The following DYM variants were observed in gnomAD, a reference collection of about 807,000 sequenced individuals.
DYM encodes the protein dyggve-Melchior-Clausen syndrome protein.
A neutral mutation model predicts 93.1 loss-of-function variants in DYM; 78 were observed. The observed-to-expected ratio is 0.84, with a 90% CI of 0.70 to 1.01. The LOEUF (loss-of-function observed/expected upper bound fraction) is 1.01, where lower values mean the gene tolerates loss of function less well. DYM is among the 50% of genes least tolerant of loss of function. The pLI is 0.00. For missense variants in DYM, 789 were observed against 845.0 expected, an observed-to-expected ratio of 0.93 and a Z score of 0.82; for synonymous variants, 321 against 319.7, an observed-to-expected ratio of 1.00 and a Z score of -0.04.
At chr18:49,214,684 C>A (rs534636424) in intron 13 of DYM, among the ~76,000 whole-genome samples, 1 of 152,168 alleles carries the variant, frequency 6.6e-6, no homozygotes, top group South Asian at 2.1e-4. Flanking sequence ...TGATATTTGA[C>A]ATGAGAAACA....
chr18:49,106,662 C>T (rs560779658), intron 16 of DYM, among the ~76,000 whole-genome samples: 2,781 of 152,196 alleles, frequency 0.018, 79 homozygotes, highest in Admixed American at 0.085. Context: ...CCTTCACTTA[C>T]GAAGCTTAGT....
At chr18:49,223,527 T>C (rs1221054036) in intron 13 of DYM, among the ~76,000 whole-genome samples, 1 of 152,146 alleles carries the variant, frequency 6.6e-6, no homozygotes, top group African/African-American at 2.4e-5. Context: ...AACATATTTT[T>C]TTCAAAGATA....
intron 17 of DYM, among the ~76,000 whole-genome samples, chr18:49,050,382 C>T (rs1471457341): frequency 6.6e-6 from 1 of 152,112 alleles, no homozygotes; most frequent in East Asian, 1.9e-4. Flanking sequence ...TGAGCCACCG[C>T]ACCCAGTCCA....
chr18:49,339,021 C>A (rs478682), intron 6 of DYM, among the ~76,000 whole-genome samples: 90,753 of 151,840 alleles, frequency 0.6, 27,475 homozygotes, highest in Non-Finnish European at 0.66. Flanking sequence ...TAACTCCTGC[C>A]AACAACCAAT....
intron 13 of DYM, among the ~76,000 whole-genome samples, chr18:49,227,323 G>A (rs1340263214): frequency 6.6e-6 from 1 of 152,116 alleles, no homozygotes; most frequent in African/African-American, 2.4e-5. Context: ...CATGAAATAA[G>A]GCCAATTCTG....
At position 49,273,125 on chromosome 18, in the gene DYM, G is replaced by A. The variant is rs182576218; in HGVS notation, c.1126-822C>T. ...TATGCAAAGCCCACCAAAACAAGCT[G>A]GTATGCCTGGGGCATACGTGTTTTG... is the stretch of plus-strand genomic sequence containing the variant. On this transcript the variant is annotated intron_variant, in intron 10 of 17. Transcript: ENST00000675505. Among the ~76,000 whole-genome samples, 39 of 152,220 alleles carry A rather than the reference G, an allele frequency of 2.6e-4. No individual in the cohort carries two copies. In the East Asian group the frequency reaches 6.7e-3, roughly 26 times the overall value.
At chr18:49,261,845 A>C (rs752062875) in intron 11 of DYM, among the ~76,000 whole-genome samples, 25 of 152,162 alleles carry the variant, frequency 1.6e-4, no homozygotes, top group Non-Finnish European at 2.9e-4. Context: ...AACAAACACT[A>C]TCTTGAGTTT....
At chr18:49,418,518 C>G (rs1221363430) in intron 2 of DYM, among the ~76,000 whole-genome samples, 2 of 152,120 alleles carry the variant, frequency 1.3e-5, no homozygotes, top group African/African-American at 4.8e-5. Flanking sequence ...CTTACAAAAT[C>G]TGATTACTCT....
intron 17 of DYM, among the ~76,000 whole-genome samples, chr18:49,066,747 T>C (rs553021458): frequency 1.3e-5 from 2 of 152,260 alleles, no homozygotes; most frequent in Non-Finnish European, 2.9e-5. Context: ...GACCACATCA[T>C]ACCTTCTTTA....
intron 3 of DYM, among the ~76,000 whole-genome samples, chr18:49,388,668 C>CTAAG (rs2068869765): frequency 6.7e-6 from 1 of 149,234 alleles, no homozygotes; most frequent in African/African-American, 2.6e-5. Flanking sequence ...GCACATCACT[C>CTAAG]TAAGGCTACT....
chr18:49,218,452 A>T (rs1477418013), intron 13 of DYM, among the ~76,000 whole-genome samples: 1 of 152,160 alleles, frequency 6.6e-6, no homozygotes, highest in African/African-American at 2.4e-5. Flanking sequence ...CAGAATATAC[A>T]TTTTTTTCAG....
intron 6 of DYM, among the ~76,000 whole-genome samples, chr18:49,362,154 C>T (rs1000320001): frequency 6.6e-6 from 1 of 151,896 alleles, no homozygotes; most frequent in Admixed American, 6.6e-5. Context: ...GCGTGAGACA[C>T]TGCACCTGGC....
intron 5 of DYM, among the ~76,000 whole-genome samples, chr18:49,364,779 C>T (rs1302577576): frequency 6.6e-6 from 1 of 152,152 alleles, no homozygotes; most frequent in Non-Finnish European, 1.5e-5. Flanking sequence ...CATGCCATTT[C>T]ACACCTCAGT....
At chr18:49,118,273 T>C (rs2082085133) in intron 16 of DYM, among the ~76,000 whole-genome samples, 2 of 152,044 alleles carry the variant, frequency 1.3e-5, no homozygotes, top group African/African-American at 4.8e-5. Context: ...ACTAGTAAAA[T>C]TCCAGCTTTA....
rs567001802 is a variant in DYM at position 49,295,024 on chromosome 18, A to G, written c.764-8408T>C. Reference sequence around the variant, plus strand: ...TGAGTTCCTGTTAGGGTCAGGTCCCATGCTAGGAACCAAAAATACAAAGAA... The same window carrying G: ...TGAGTTCCTGTTAGGGTCAGGTCCCGTGCTAGGAACCAAAAATACAAAGAA... On this transcript the variant is annotated intron_variant, in intron 8 of 17. Coordinates refer to ENST00000675505, the MANE Select transcript of DYM (RefSeq NM_001353214.3). Among the ~76,000 whole-genome samples the G allele has an allele frequency of 2.6e-5, 4 of 152,194 alleles. No homozygotes were observed. The South Asian group carries it at 8.3e-4, about 32-fold the overall frequency.
At chr18:49,441,402 C>G (rs1252428318) in intron 1 of DYM, among the ~76,000 whole-genome samples, 2 of 118,572 alleles carry the variant, frequency 1.7e-5, no homozygotes, top group African/African-American at 6.5e-5. Context: ...ATATATGCCC[C>G]ACTTGTACCT....
Position 49,227,998 on chromosome 18 carries a change from A to G in DYM, c.1461-18283T>C, listed in dbSNP as rs574089426. 3.9e-5 allele frequency among the ~76,000 whole-genome samples: 6 copies of G among 152,216 alleles called. No individual in the cohort carries two copies. In the South Asian group the frequency reaches 1.2e-3, roughly 32 times the overall value. The stretch of plus-strand genomic sequence containing the variant: ...TTGGTGCTCTCCCTTCTAGGTTCCC[A>G]CTGTGCCTTATGCTTCCTACCAACA... On this transcript the variant is annotated intron_variant, in intron 13 of 17. Transcript: ENST00000675505.
At chr18:49,341,240 C>T (rs2064094942) in intron 6 of DYM, among the ~76,000 whole-genome samples, 1 of 152,064 alleles carries the variant, frequency 6.6e-6, no homozygotes, top group Admixed American at 6.5e-5. Flanking sequence ...CCTGTAATCC[C>T]AGCACTTTGG....
intron 6 of DYM, among the ~76,000 whole-genome samples, chr18:49,344,780 T>A (rs1472967699): frequency 1.3e-5 from 2 of 152,250 alleles, no homozygotes; most frequent in Admixed American, 1.3e-4. Context: ...GGTTTAAATC[T>A]AAAAAGAAAT....
Sources: gnomAD v4.1 joint callset for allele counts (sites outside exome capture counted in the v4.1 genomes callset) on GRCh38, gnomAD v4.1.1 for gene constraint, MANE v1.5 for transcripts, NCBI Gene and HGNC (gene_info 2026-07-23, HGNC 2026-07-21) for gene names.